Variants in ANAPC2 observed in about 807,000 individuals in gnomAD.
The protein encoded by ANAPC2 is anaphase-promoting complex subunit 2.
In ANAPC2, 29 loss-of-function variants were observed where a neutral mutation model predicts 84.3. The ratio of observed to expected loss-of-function variants is 0.34; its 90% CI spans 0.26 to 0.47. The LOEUF (loss-of-function observed/expected upper bound fraction) is 0.47. ANAPC2 is among the 20% of genes least tolerant of loss of function. The pLI is 1.00. For synonymous variants in ANAPC2, 571 were observed against 479.4 expected (o/e 1.19, Z -2.50); for missense variants, 857 against 1,131.7 (o/e 0.76, Z 3.48).
intron 7 of ANAPC2, among the ~76,000 whole-genome samples, 159 bp from the exon 8 acceptor site, chr9:137,181,088 G>C (rs1412785339): frequency 1.3e-5 from 2 of 152,206 alleles, no homozygotes; most frequent in Non-Finnish European, 2.9e-5. Flanking sequence ...GAGACCTGGA[G>C]TCAGGTCCTG....
intron 5 of ANAPC2, 27 bp downstream of exon 5, chr9:137,183,645 G>A (rs574808050): frequency 4.7e-5 from 75 of 1,601,872 alleles, no homozygotes; most frequent in Non-Finnish European, 6.3e-5. Flanking sequence ...AGCCCAGAGT[G>A]CTGGGTGGCC....
chr9:137,186,132 T>C (rs1834462534), intron 3 of ANAPC2, 92 bp downstream of exon 3: 2 of 1,551,954 alleles, frequency 1.3e-6, no homozygotes, highest in East Asian at 2.3e-5. Context: ...CAGGCCTCCG[T>C]GCTCTGGATG....
At chr9:137,177,475 G>A (rs1008673981) in intron 10 of ANAPC2, among the ~76,000 whole-genome samples, 18 of 152,050 alleles carry the variant, frequency 1.2e-4, no homozygotes, top group Middle Eastern at 3.4e-3. Flanking sequence ...ATCTATTTAC[G>A]TAGAGGAATG....
intron 4 of ANAPC2, 82 bp from the exon 5 acceptor site, chr9:137,183,873 G>T (rs1834395848): frequency 6.4e-7 from 1 of 1,555,930 alleles, no homozygotes; most frequent in Non-Finnish European, 8.7e-7. Flanking sequence ...TGCGGTGTGG[G>T]AAAGGACACG....
rs1564373595 is a variant in ANAPC2, at chr9:137,174,891, G to GAGCACCTGCAGGGC, written c.*37_*50dup. The GAGCACCTGCAGGGC allele has an allele frequency of 3.6e-6, 5 of 1,402,910 alleles. No homozygotes were observed. The highest frequency in any genetic ancestry group is 2.3e-5 in the Admixed American group (1 of 43,066). The allele number at this position is 1,402,910 out of a possible 1,614,324, so 86.9% of individuals were successfully genotyped here. ...GGCGGGGGCTGGCACGGGAGGACGA[G>GAGCACCTGCAGGGC]AGCACCTGCAGGGCAGCGCCTGGCG... On this transcript the variant is annotated 3_prime_UTR_variant, in exon 13 of 13. Coordinates refer to ENST00000323927, the MANE Select transcript of ANAPC2 (RefSeq NM_013366.4). The surrounding 1 kb of genome is among the most constrained non-coding windows in gnomAD (Gnocchi z 6.1).
chr9:137,180,202 G>T lies in ANAPC2; in HGVS notation c.1869C>A (p.Cys623Ter). Residue 623 changes from cysteine (C) to a stop codon, truncating the protein, a stop_gained, in exon 10 of 13, where the codon TGC becomes TGA. Transcript: ENST00000323927. LOFTEE classifies it high-confidence loss of function. ...GTACCTTGAGCTGCTCATACTTCTTGCAGTAAGCCTCCAGGGCTGCCCTGA... is the reference window on the plus strand; with the variant it reads ...GTACCTTGAGCTGCTCATACTTCTTTCAGTAAGCCTCCAGGGCTGCCCTGA... ...EDIRAALEAY[C>*]KKYEQLKAMR... 6.2e-7 allele frequency: 1 copy of T among 1,613,660 alleles called. No individual in the cohort carries two copies. Among genetic ancestry groups the T allele is most frequent in the Non-Finnish European group, 8.5e-7 (1 of 1,179,968 alleles).
At chr9:137,179,835 G>A (rs1003249157) in intron 10 of ANAPC2, among the ~76,000 whole-genome samples, 2 of 152,244 alleles carry the variant, frequency 1.3e-5, no homozygotes, top group Non-Finnish European at 1.5e-5. Context: ...GTTCTGAGAG[G>A]CAGAGGGTGG....
chr9:137,181,586 C>G (rs1014558473), intron 7 of ANAPC2, 95 bp downstream of exon 7: 5 of 1,332,560 alleles, frequency 3.8e-6, no homozygotes, highest in Non-Finnish European at 4.9e-6. Flanking sequence ...ACACCTGACA[C>G]AGCCAAGCTC....
intron 8 of ANAPC2, 78 bp from the exon 9 acceptor site, chr9:137,180,605 G>GC (rs1834323560): frequency 6.3e-7 from 1 of 1,593,008 alleles, no homozygotes; most frequent in African/African-American, 1.3e-5. Context: ...GCACGGGGGT[G>GC]CCCCCCAGGC....
At chr9:137,175,213 C>T (rs775277404) in intron 12 of ANAPC2, 24 bp downstream of exon 12, 1 of 1,608,244 alleles carries the variant, frequency 6.2e-7, no homozygotes, top group Non-Finnish European at 8.5e-7. Context: ...GCCCCCTGGC[C>T]CCCCGTGGGG....
At chr9:137,184,118 G>T (rs1834403110) in intron 4 of ANAPC2, among the ~76,000 whole-genome samples, 1 of 152,238 alleles carries the variant, frequency 6.6e-6, no homozygotes, top group African/African-American at 2.4e-5. Context: ...CCGCAGTGGG[G>T]ACAGTCCCAG....
chr9:137,187,295 G>A (rs1834494979), intron 2 of ANAPC2, 186 bp downstream of exon 2: 3 of 734,396 alleles, frequency 4.1e-6, no homozygotes, highest in South Asian at 2.0e-5. Context: ...TGGGACTGAA[G>A]GTGAGTGACA....
intron 10 of ANAPC2, among the ~76,000 whole-genome samples, chr9:137,178,121 T>C (rs28664164): frequency 0.21 from 32,324 of 152,238 alleles, 3,699 homozygotes; most frequent in South Asian, 0.33. Flanking sequence ...CAGCTTCTAA[T>C]GGAAACAAAC....
chr9:137,180,193 A>G lies in ANAPC2; in HGVS notation c.1878T>C (p.Tyr626=), dbSNP rs150107415. 2 of 1,613,638 alleles carry G rather than the reference A, an allele frequency of 1.2e-6. No individual in the cohort carries two copies. The highest frequency in any genetic ancestry group is 1.7e-6 in the Non-Finnish European group (2 of 1,179,948). The part of the protein sequence containing the change: ...RAALEAYCKK[Y]EQLKAMRTLS... ...GGCATGGAGGTACCTTGAGCTGCTCATACTTCTTGCAGTAAGCCTCCAGGG... is the reference window on the plus strand; with the variant it reads ...GGCATGGAGGTACCTTGAGCTGCTCGTACTTCTTGCAGTAAGCCTCCAGGG... The change falls in exon 10 of 13, where the codon TAT becomes TAC. Residue 626 remains tyrosine, a synonymous_variant. Transcript: ENST00000323927.
chr9:137,187,713 G>A lies in ANAPC2; in HGVS notation c.508C>T (p.Gln170Ter), dbSNP rs780430153. 1 of 1,613,904 alleles carries A rather than the reference G, an allele frequency of 6.2e-7. No individual in the cohort carries two copies. Among genetic ancestry groups the A allele is most frequent in the Non-Finnish European group, 8.5e-7 (1 of 1,180,014 alleles). ...VLFFSTPRTFQEMIQRLYGCF... is the reference protein window; with the variant it reads ...VLFFSTPRTF ...CCATACAGACGCTGGATCATCTCTT[G>A]GAAGGTTCTGGGGGTGCTAAAGAAC... The change falls in exon 2 of 13, where the codon CAA becomes TAA. Residue 170 changes from glutamine (Q) to a stop codon, truncating the protein, a stop_gained. Transcript: ENST00000323927. LOFTEE classifies it high-confidence loss of function.
chr9:137,175,318 G>T lies in ANAPC2; in HGVS notation c.2175C>A (p.Asp725Glu), dbSNP rs200617883. The change falls in exon 12 of 13, where the codon GAC becomes GAA. Residue 725 changes from aspartate (D) to glutamate (E), a missense_variant. Around this residue, in one of 3 missense-constraint regions of ANAPC2, gnomAD observed 425 missense variants for 595.5 expected, o/e 0.71. Transcript: ENST00000323927. ...VIEEERPQDR[D>E]NMVLIDSDDE... ...CGTCACTGTCAATGAGCACCATGTT[G>T]TCCCGGTCCTGAGGCCGCTCCTCCT... 109 of 1,612,682 alleles carry T rather than the reference G, an allele frequency of 6.8e-5. No homozygotes were observed. The East Asian group carries it at 2.4e-3, about 35-fold the overall frequency.
Position 137,184,717 on chromosome 9 carries a change from C to T in ANAPC2, c.1048+196G>A, listed in dbSNP as rs1175348675. On this transcript the variant is annotated intron_variant, in intron 4 of 12. Coordinates refer to ENST00000323927, the MANE Select transcript of ANAPC2 (RefSeq NM_013366.4). ...AGACACGGCGAAGGCACAGGGAGCC[C>T]AAGACGCAGACACAGGGAGCCCAGA... Among the ~76,000 whole-genome samples, 6 of 145,352 alleles carry T rather than the reference C, an allele frequency of 4.1e-5. 1 individual carries two copies. The highest frequency in any genetic ancestry group is 1.4e-4 in the Admixed American group (2 of 14,722).
At chr9:137,176,935 C>A (rs1003778535) in intron 10 of ANAPC2, 1 of 152,268 alleles carries the variant, frequency 6.6e-6, no homozygotes, top group Non-Finnish European at 1.5e-5. Context: ...CAAAAAGGCA[C>A]CAGCCCTTGG....
At chr9:137,183,065 CGAG>C in intron 6 of ANAPC2, 57 bp downstream of exon 6, 1 of 1,414,656 alleles carries the variant, frequency 7.1e-7, no homozygotes, top group South Asian at 1.2e-5. Flanking sequence ...CCCAGGACCA[CGAG>C]GAGCTCAGCA....
Sources: allele counts gnomAD v4.1 joint callset (sites outside exome capture counted in the v4.1 genomes callset), GRCh38; gene constraint gnomAD v4.1.1; regional missense constraint gnomAD v4.1.1; non-coding constraint Gnocchi (gnomAD v3.1); transcripts MANE v1.5; gene names NCBI Gene and HGNC (gene_info 2026-07-23, HGNC 2026-07-21).